Variants in NF1 observed in about 807,000 individuals in gnomAD.
The protein encoded by NF1 is neurofibromin.
A neutral mutation model predicts 325.7 loss-of-function variants in NF1; 122 were observed. That is an observed-to-expected ratio of 0.37 (90% CI 0.32 to 0.44). The LOEUF (loss-of-function observed/expected upper bound fraction) is 0.44. Among genes scored for constraint, NF1 ranks in the 20% least tolerant of loss-of-function variants. The pLI, the probability that NF1 is intolerant of heterozygous loss-of-function variation, is 1.00. For synonymous variants in NF1, 1,091 were observed against 1,186.0 expected (o/e 0.92, Z 1.65); for missense variants, 2,140 against 3,415.4 (o/e 0.63, Z 9.31).
intron 5 of NF1, among the ~76,000 whole-genome samples, chr17:31,171,342 CTAT>C (rs1298334715): frequency 2.0e-5 from 3 of 152,254 alleles, no homozygotes; most frequent in African/African-American, 7.2e-5. Context: ...ATTTTGATAT[CTAT>C]TATTAAGCGT....
chr17:31,262,001 T>A, intron 35 of NF1, 144 bp downstream of exon 35: 1 of 702,038 alleles, frequency 1.4e-6, no homozygotes, highest in Non-Finnish European at 2.4e-6. Context: ...GGAATCCAAC[T>A]ATATATTATT....
At chr17:31,215,439 G>C (rs1433021808) in intron 13 of NF1, among the ~76,000 whole-genome samples, 7 of 152,138 alleles carry the variant, frequency 4.6e-5, no homozygotes, top group Non-Finnish European at 7.4e-5. Context: ...CTACCTACTA[G>C]CTATGTGATT....
chr17:31,300,990 G>A (rs2068561508), intron 36 of NF1, among the ~76,000 whole-genome samples: 1 of 151,876 alleles, frequency 6.6e-6, no homozygotes, highest in Non-Finnish European at 1.5e-5. Context: ...GTTGTGTTTT[G>A]GGTCTTCCCC....
In NF1 at chr17:31,120,400, G is replaced by T. The variant is rs147931543; in HGVS notation, c.60+25031G>T. On this transcript the variant is annotated intron_variant, in intron 1 of 57. Coordinates refer to ENST00000358273, the MANE Select transcript of NF1 (RefSeq NM_001042492.3). Reference sequence around the variant, plus strand: ...TGAATGGGAATTCACTCATGATTTGGCTGTTTGTCTGTTATTGGTGTATAG... The same window carrying T: ...TGAATGGGAATTCACTCATGATTTGTCTGTTTGTCTGTTATTGGTGTATAG... Among the ~76,000 whole-genome samples the T allele has an allele frequency of 9.5e-3, 1,445 of 151,916 alleles. 24 individuals carry two copies. The highest frequency in any genetic ancestry group is 0.033 in the African/African-American group (1,361 of 41,448).
intron 47 of NF1, 125 bp downstream of exon 47, chr17:31,340,770 CTT>C (rs2069799496): frequency 1.0e-6 from 1 of 965,290 alleles, no homozygotes; most frequent in Non-Finnish European, 1.6e-6. Context: ...TATAATGTAA[CTT>C]ATTGTGAGTA....
chr17:31,137,462 C>A (rs1280334273), intron 1 of NF1: 2 of 151,968 alleles, frequency 1.3e-5, no homozygotes, highest in East Asian at 1.9e-4. Flanking sequence ...TTATTTCTTT[C>A]CATCATTAAC....
intron 3 of NF1, among the ~76,000 whole-genome samples, chr17:31,162,875 CTGGGGA>C (rs2065786541): frequency 1.3e-5 from 2 of 152,236 alleles, no homozygotes; most frequent in African/African-American, 4.8e-5. Context: ...TCACAGCAAA[CTGGGGA>C]TTCCCAGGGA....
At chr17:31,152,129 T>C (rs1916988014) in intron 1 of NF1, among the ~76,000 whole-genome samples, 1 of 152,088 alleles carries the variant, frequency 6.6e-6, no homozygotes, top group South Asian at 2.1e-4. Flanking sequence ...ACTTTATTGT[T>C]TTCTGACATA....
chr17:31,251,644 G>C (rs148628431), intron 30 of NF1: 427 of 198,672 alleles, frequency 2.1e-3, no homozygotes, highest in African/African-American at 9.2e-3. Flanking sequence ...CAGTAAATCT[G>C]CTTCTCCAAA....
intron 39 of NF1, chr17:31,331,197 T>C (rs2069477276): frequency 6.6e-6 from 1 of 152,108 alleles, no homozygotes; most frequent in Admixed American, 6.5e-5. Context: ...TCACTAAGAC[T>C]CTTTGTCAGG....
intron 29 of NF1, among the ~76,000 whole-genome samples, chr17:31,247,062 G>C (rs950921868): frequency 1.3e-5 from 2 of 152,058 alleles, no homozygotes; most frequent in Non-Finnish European, 2.9e-5. Context: ...GGGCGTGGTG[G>C]TGGTGCGCCT....
At chr17:31,188,551 G>A (rs2143817282) in intron 8 of NF1, among the ~76,000 whole-genome samples, 1 of 152,250 alleles carries the variant, frequency 6.6e-6, no homozygotes, top group African/African-American at 2.4e-5. Context: ...ATATGTATGG[G>A]TTCAAGTTGA....
intron 16 of NF1, 54 bp from the exon 17 acceptor site, chr17:31,225,041 A>G (rs2144024852): frequency 6.3e-7 from 1 of 1,591,360 alleles, no homozygotes; most frequent in Non-Finnish European, 8.6e-7. Flanking sequence ...ATAAGTGTTT[A>G]TTCCTCTTGG....
chr17:31,240,043 C>T (rs984950550), intron 29 of NF1, among the ~76,000 whole-genome samples: 4 of 152,156 alleles, frequency 2.6e-5, no homozygotes, highest in Non-Finnish European at 5.9e-5. Context: ...TGATTACAGG[C>T]GTCAGCCACC....
chr17:31,185,690 C>T (rs2066225448), intron 8 of NF1, among the ~76,000 whole-genome samples: 1 of 152,132 alleles, frequency 6.6e-6, no homozygotes, highest in Non-Finnish European at 1.5e-5. Flanking sequence ...TACTCTGGCC[C>T]ATTTATCCAG....
At chr17:31,242,848 T>C (rs985693948) in intron 29 of NF1, among the ~76,000 whole-genome samples, 1 of 152,218 alleles carries the variant, frequency 6.6e-6, no homozygotes, top group African/African-American at 2.4e-5. Flanking sequence ...TTGATGCTTA[T>C]GGATGTTCAT....
At position 31,235,732 on chromosome 17, in the gene NF1, G is replaced by T. The variant is rs1555615480; in HGVS notation, c.3830G>T (p.Gly1277Val). ...GACTCCATGCAGACTCTCTTCCGAGGCAACAGCTTGGCCAGTAAAATAATG... is the reference window on the plus strand; with the variant it reads ...GACTCCATGCAGACTCTCTTCCGAGTCAACAGCTTGGCCAGTAAAATAATG... Reference protein sequence around the residue: ...LADSMQTLFRGNSLASKIMTF... With the variant: ...LADSMQTLFRVNSLASKIMTF... The change falls in exon 28 of 58, where the codon GGC (glycine) becomes GTC (valine). Residue 1277 changes from glycine to valine, a missense_variant. Around this residue, in one of 10 missense-constraint regions of NF1, gnomAD observed 336 missense variants for 399.0 expected, o/e 0.84. Transcript: ENST00000358273. 1 of 1,614,094 alleles carries T rather than the reference G, an allele frequency of 6.2e-7. No individual in the cohort carries two copies. The highest frequency in any genetic ancestry group is 1.1e-5 in the South Asian group (1 of 91,080).
chr17:31,147,724 G>A (rs1555603765), intron 1 of NF1, among the ~76,000 whole-genome samples: 1 of 152,174 alleles, frequency 6.6e-6, no homozygotes, highest in Admixed American at 6.5e-5. Flanking sequence ...TTATCACTGA[G>A]AACTGTATTT....
At chr17:31,103,955 A>G (rs1411680765) in intron 1 of NF1, among the ~76,000 whole-genome samples, 1 of 152,164 alleles carries the variant, frequency 6.6e-6, no homozygotes, top group Non-Finnish European at 1.5e-5. Context: ...CAGGAAATTA[A>G]GGCTGCAGTG....
Sources: allele counts gnomAD v4.1 joint callset (sites outside exome capture counted in the v4.1 genomes callset), GRCh38; gene constraint gnomAD v4.1.1; regional missense constraint gnomAD v4.1.1; transcripts MANE v1.5; gene names NCBI Gene and HGNC (gene_info 2026-07-23, HGNC 2026-07-21).